Variants in RAB3GAP1 observed in about 807,000 individuals in gnomAD.
The protein encoded by RAB3GAP1 is RAB3 GTPase activating protein catalytic subunit 1, also known as rab3 GTPase-activating protein catalytic subunit.
A neutral mutation model predicts 130.7 loss-of-function variants in RAB3GAP1; 86 were observed. The observed-to-expected ratio is 0.66, with a 90% CI of 0.55 to 0.79. RAB3GAP1 has a LOEUF of 0.79. RAB3GAP1 is among the 30% of genes least tolerant of loss of function. RAB3GAP1 has a pLI of 0.00. For missense variants in RAB3GAP1, 1,029 were observed against 1,169.4 expected, an observed-to-expected ratio of 0.88 and a Z score of 1.75; for synonymous variants, 367 against 401.7, an observed-to-expected ratio of 0.91 and a Z score of 1.03.
chr2:135,100,291 A>T (rs919254537), intron 5 of RAB3GAP1, among the ~76,000 whole-genome samples: 4 of 152,234 alleles, frequency 2.6e-5, no homozygotes, highest in African/African-American at 9.6e-5. Context: ...AAGTCAAACT[A>T]ACAGACTTTC....
intron 11 of RAB3GAP1, among the ~76,000 whole-genome samples, chr2:135,127,329 T>TTTTG (rs75988598): frequency 0.029 from 4,430 of 150,938 alleles, 101 homozygotes; most frequent in South Asian, 0.054. Flanking sequence ...AAGAGCACTG[T>TTTTG]TTTGTTTGTT....
intron 5 of RAB3GAP1, among the ~76,000 whole-genome samples, chr2:135,103,173 A>T (rs189201620): frequency 2.0e-4 from 30 of 149,704 alleles, no homozygotes; most frequent in Middle Eastern, 3.6e-3. Context: ...AGTAGATGGG[A>T]TTACAGGCAT....
chr2:135,058,736 G>A (rs1285348661), intron 3 of RAB3GAP1: 2 of 152,082 alleles, frequency 1.3e-5, no homozygotes, highest in African/African-American at 4.8e-5. Flanking sequence ...TGTACTCTGA[G>A]AACAAACCTG....
rs776821620 is a variant in RAB3GAP1 at position 135,052,432 on chromosome 2, C to G, written c.21C>G (p.Pro7=). ...TTCTCTCCTTCCCCTTCCCGCAGCC[C>G]GAATCCGAGGTATTTGAGATCACGG... is the stretch of plus-strand genomic sequence containing the variant. MAADSE[P]ESEVFEITDF... The change falls in exon 2 of 24, where the codon CCC becomes CCG. Residue 7 remains proline (P), a splice_region_variant and synonymous_variant. Coordinates refer to ENST00000264158, the MANE Select transcript of RAB3GAP1 (RefSeq NM_012233.3). The G allele has an allele frequency of 1.2e-5, 20 of 1,614,094 alleles. No individual in the cohort carries two copies. The highest frequency in any genetic ancestry group is 1.7e-4 in the Middle Eastern group (1 of 6,014).
Position 135,164,583 on chromosome 2 carries a change from C to G in RAB3GAP1, c.2607-11C>G. 1 of 1,599,208 alleles carries G rather than the reference C, an allele frequency of 6.3e-7. No homozygotes were observed. On this transcript the variant is annotated splice_polypyrimidine_tract_variant and intron_variant, in intron 22 of 23. Transcript: ENST00000264158. ...CTTTCCACCCTTTCATTGCCTGTCT[C>G]TGTCTCCTAGGTTTGTGAGTTGCCT...
intron 3 of RAB3GAP1, among the ~76,000 whole-genome samples, chr2:135,063,128 A>G (rs1219752559): frequency 1.3e-5 from 2 of 152,210 alleles, no homozygotes; most frequent in African/African-American, 4.8e-5. Context: ...AACTTAAGTT[A>G]ACTGTAGGTT....
chr2:135,117,531 G>GCTTCTTCTTCTGCTT, intron 7 of RAB3GAP1, among the ~76,000 whole-genome samples: 1 of 20,012 alleles, frequency 5.0e-5, no homozygotes. Context: ...TGCTTCTTCT[G>GCTTCTTCTTCTGCTT]CTTCTTCTTC....
intron 3 of RAB3GAP1, among the ~76,000 whole-genome samples, chr2:135,063,409 C>T (rs1022291148): frequency 6.6e-6 from 1 of 152,108 alleles, no homozygotes; most frequent in South Asian, 2.1e-4. Context: ...GCAATCATTA[C>T]TACCATCCAC....
intron 14 of RAB3GAP1, 133 bp downstream of exon 14, chr2:135,133,117 C>G (rs1558792350): frequency 1.5e-6 from 1 of 658,108 alleles, no homozygotes; most frequent in African/African-American, 1.8e-5. Context: ...GATGGCAGAT[C>G]GTGGTTTCCA....
chr2:135,121,531 A>C (rs559342437), intron 8 of RAB3GAP1, among the ~76,000 whole-genome samples: 95 of 152,294 alleles, frequency 6.2e-4, no homozygotes, highest in Admixed American at 5.7e-3. Context: ...GTTCTAGAAA[A>C]GCTCAGTTTC....
rs146827020 is a variant in RAB3GAP1, at chr2:135,068,929, G to T, written c.150+10843G>T. Among the ~76,000 whole-genome samples the T allele has an allele frequency of 1.5e-3, 223 of 152,212 alleles. 1 individual carries two copies. The highest frequency in any genetic ancestry group is 5.2e-3 in the African/African-American group (214 of 41,514). Reference sequence around the variant, plus strand: ...AAATTTTACCACTTGGCTGGGTAGGGATCACATTTTGTTATAATGAATGCA... The same window carrying T: ...AAATTTTACCACTTGGCTGGGTAGGTATCACATTTTGTTATAATGAATGCA... On this transcript the variant is annotated intron_variant, in intron 3 of 23. Coordinates refer to ENST00000264158, the MANE Select transcript of RAB3GAP1 (RefSeq NM_012233.3).
chr2:135,117,962 C>T (rs1046449889), intron 7 of RAB3GAP1, among the ~76,000 whole-genome samples: 2 of 152,012 alleles, frequency 1.3e-5, no homozygotes, highest in African/African-American at 2.4e-5. Flanking sequence ...ACTGACTCCT[C>T]CCACCTCGGC....
intron 3 of RAB3GAP1, among the ~76,000 whole-genome samples, chr2:135,070,191 G>A (rs1475520237): frequency 6.6e-6 from 1 of 152,202 alleles, no homozygotes; most frequent in Non-Finnish European, 1.5e-5. Flanking sequence ...AAACCTGTTT[G>A]TAACAGAGGC....
At chr2:135,162,515 C>T (rs1283859323) in intron 19 of RAB3GAP1, 40 bp from the exon 20 acceptor site, 5 of 1,499,698 alleles carry the variant, frequency 3.3e-6, no homozygotes, top group Non-Finnish European at 4.6e-6. Flanking sequence ...CATCCTTTGA[C>T]ACCTGCGCTG....
rs1292400805 is a variant in RAB3GAP1 at position 135,162,771 on chromosome 2, G to A, written c.2410G>A (p.Val804Ile). The change falls in exon 21 of 24, where the codon GTT becomes ATT. Residue 804 changes from valine to isoleucine, a missense_variant. By Grantham distance (29) the Val-to-Ile change is conservative. Coordinates refer to ENST00000264158, the MANE Select transcript of RAB3GAP1 (RefSeq NM_012233.3). ...EEESLENISS[V>I]KKIIKQIISH... ...AGAAAGTCTCGAAAACATTTCTTCA[G>A]TTAAGAAGATCATAAAGCAGATAAT... The A allele has an allele frequency of 6.2e-7, 1 of 1,613,562 alleles. No individual in the cohort carries two copies. The highest frequency in any genetic ancestry group is 1.1e-5 in the South Asian group (1 of 91,074).
intron 13 of RAB3GAP1, 80 bp downstream of exon 13, chr2:135,130,801 G>T: frequency 7.5e-7 from 1 of 1,338,954 alleles, no homozygotes; most frequent in Non-Finnish European, 1.1e-6. Context: ...TATGTGGTAG[G>T]CAGTGACCTT....
intron 3 of RAB3GAP1, among the ~76,000 whole-genome samples, chr2:135,071,108 A>G (rs1464442534): frequency 6.6e-6 from 1 of 152,216 alleles, no homozygotes; most frequent in Non-Finnish European, 1.5e-5. Context: ...GTTTATGCAC[A>G]TACAGGACTG....
Position 135,169,650 on chromosome 2 carries a change from C to T in RAB3GAP1, c.*869C>T, listed in dbSNP as rs959878409. The T allele has an allele frequency of 2.7e-5, 12 of 437,486 alleles. No individual in the cohort carries two copies. The highest frequency in any genetic ancestry group is 5.6e-5 in the Non-Finnish European group (12 of 216,158). 27.1% of individuals were successfully genotyped at this position (437,486 alleles called of 1,614,324 possible). ...TACAGTCTTGGTACCTAGAGACTGT[C>T]ATGCAGATAGTATAATTTGGTATAT... On this transcript the variant is annotated 3_prime_UTR_variant, in exon 24 of 24. Coordinates refer to ENST00000264158, the MANE Select transcript of RAB3GAP1 (RefSeq NM_012233.3).
intron 3 of RAB3GAP1, among the ~76,000 whole-genome samples, chr2:135,075,813 C>T (rs1004920965): frequency 4.0e-5 from 6 of 151,712 alleles, no homozygotes; most frequent in African/African-American, 1.5e-4. Context: ...ATTGTGTGGT[C>T]ACAGAGTGTC....
Sources: gnomAD v4.1 joint callset for allele counts (sites outside exome capture counted in the v4.1 genomes callset) on GRCh38, gnomAD v4.1.1 for gene constraint, MANE v1.5 for transcripts, NCBI Gene and HGNC (gene_info 2026-07-23, HGNC 2026-07-21) for gene names.